The following AHRR variants were observed in gnomAD, a reference collection of about 807,000 sequenced individuals.
The protein encoded by AHRR is aryl hydrocarbon receptor repressor.
Under a neutral mutation model 44.0 loss-of-function variants are expected in AHRR, and 28 were observed. That is an observed-to-expected ratio of 0.64 (90% CI 0.47 to 0.87). The LOEUF (loss-of-function observed/expected upper bound fraction) is 0.87. Ranked by LOEUF, AHRR falls within the 40% of genes least tolerant of loss-of-function variation. The pLI is 0.00. For missense variants in AHRR, 990 were observed against 953.9 expected (o/e 1.04, Z -0.50); for synonymous variants, 434 against 407.0 (o/e 1.07, Z -0.80).
chr5:433,446 C>A (rs990524001), intron 10 of AHRR, among the ~76,000 whole-genome samples: 1 of 152,234 alleles, frequency 6.6e-6, no homozygotes, highest in Non-Finnish European at 1.5e-5. Context: ...TCCTGTTGGT[C>A]AGCAGCAGAG....
In AHRR at chr5:351,572, A is replaced by G. The variant is rs1379380926; in HGVS notation, c.63-2158A>G. 2.6e-5 allele frequency among the ~76,000 whole-genome samples: 4 copies of G among 152,134 alleles called. No individual in the cohort carries two copies. The East Asian group carries it at 7.7e-4, about 29-fold the overall frequency. ...GAGGGTCCATGCTGAGAGCTGACTGAGGGCTGCCAGGGCTAACAGAAGGGG... is the reference window on the plus strand; with the variant it reads ...GAGGGTCCATGCTGAGAGCTGACTGGGGGCTGCCAGGGCTAACAGAAGGGG... On this transcript the variant is annotated intron_variant, in intron 2 of 10. Coordinates refer to ENST00000684583, the MANE Select transcript of AHRR (RefSeq NM_001377236.1).
At chr5:362,940 G>A (rs1450404485) in intron 3 of AHRR, among the ~76,000 whole-genome samples, 1 of 152,224 alleles carries the variant, frequency 6.6e-6, no homozygotes, top group Non-Finnish European at 1.5e-5. Flanking sequence ...CTCCTTCTGT[G>A]CCTGGAAGAA....
intron 4 of AHRR, among the ~76,000 whole-genome samples, chr5:393,132 A>G (rs2126477727): frequency 6.6e-6 from 1 of 152,038 alleles, no homozygotes; most frequent in Admixed American, 6.5e-5. Flanking sequence ...TTTTGTTCTC[A>G]TGGGGATGCC....
chr5:402,823 G>A (rs1241524850), intron 4 of AHRR, among the ~76,000 whole-genome samples: 2 of 152,188 alleles, frequency 1.3e-5, no homozygotes, highest in Non-Finnish European at 2.9e-5. Context: ...CACAGATAAA[G>A]AAAATGCTCT....
At position 369,790 on chromosome 5, in the gene AHRR, A is replaced by T. The variant is rs150511347; in HGVS notation, c.245-6820A>T. ...TTGCAAATACCATTTGTGGCCATCAAGAATCACTAAATGACATTTTCTTCC... is the reference window on the plus strand; with the variant it reads ...TTGCAAATACCATTTGTGGCCATCATGAATCACTAAATGACATTTTCTTCC... On this transcript the variant is annotated intron_variant, in intron 3 of 10. Coordinates refer to ENST00000684583, the MANE Select transcript of AHRR (RefSeq NM_001377236.1). 8.0e-4 allele frequency among the ~76,000 whole-genome samples: 122 copies of T among 152,384 alleles called. 1 individual carries two copies. The East Asian group carries it at 0.021, about 26-fold the overall frequency.
intron 3 of AHRR, among the ~76,000 whole-genome samples, chr5:368,559 C>T (rs968979730): frequency 5.3e-5 from 8 of 152,366 alleles, no homozygotes; most frequent in African/African-American, 1.9e-4. Context: ...AGATGTTTCA[C>T]ATCATGAAGA....
In AHRR at chr5:346,455, C is replaced by T. The variant is rs550985700; in HGVS notation, c.62+2491C>T. 6.6e-5 allele frequency among the ~76,000 whole-genome samples: 10 copies of T among 152,326 alleles called. No homozygotes were observed. The South Asian group carries it at 2.1e-3, about 32-fold the overall frequency. On this transcript the variant is annotated intron_variant, in intron 2 of 10. Transcript: ENST00000684583. ...AGGAAATTTCGTTCTGATTCTTCCC[C>T]AGACGGCCCCACCACAGGGACTGCA...
chr5:404,189 C>A lies in AHRR; in HGVS notation c.352-9155C>A. The A allele has an allele frequency of 1.9e-6, 1 of 534,354 alleles. No homozygotes were observed. Among genetic ancestry groups the A allele is most frequent in the Non-Finnish European group, 3.6e-6 (1 of 276,172 alleles). 33.1% of individuals were successfully genotyped at this position (534,354 alleles called of 1,614,324 possible). ...TGCATTCCTGTCACGAGCTGGTCTTCTGCAGCCTTTGAACCCGTCGCAGCT... is the reference window on the plus strand; with the variant it reads ...TGCATTCCTGTCACGAGCTGGTCTTATGCAGCCTTTGAACCCGTCGCAGCT... On this transcript the variant is annotated intron_variant, in intron 4 of 10. Coordinates refer to ENST00000684583, the MANE Select transcript of AHRR (RefSeq NM_001377236.1). This position sits in a 1 kb window ranked among gnomAD's most constrained non-coding sequence, Gnocchi z 4.1.
At chr5:344,978 GGT>G (rs1201219676) in intron 2 of AHRR, among the ~76,000 whole-genome samples, 13 of 121,946 alleles carry the variant, frequency 1.1e-4, no homozygotes, top group Non-Finnish European at 1.9e-4. Flanking sequence ...GGCTGTGTGG[GGT>G]GTGTGTGAGG....
chr5:432,368 C>T, intron 8 of AHRR, 95 bp from the exon 9 acceptor site: 8 of 1,225,838 alleles, frequency 6.5e-6, no homozygotes, highest in Non-Finnish European at 8.4e-6. Flanking sequence ...ACAGCAATAC[C>T]TGTCATTATT....
intron 3 of AHRR, among the ~76,000 whole-genome samples, chr5:372,763 A>G (rs544664442): frequency 6.6e-6 from 1 of 152,252 alleles, no homozygotes; most frequent in South Asian, 2.1e-4. Context: ...GGCATCACCC[A>G]GACGCACAGC....
chr5:325,890 C>G (rs957040021), intron 1 of AHRR, among the ~76,000 whole-genome samples: 2 of 152,150 alleles, frequency 1.3e-5, no homozygotes, highest in African/African-American at 4.8e-5. Flanking sequence ...TCAAGCGATT[C>G]TCCTGCCTTA....
rs1434794324 is a variant in AHRR, at chr5:326,576, T to C, written c.-11+4757T>C. On this transcript the variant is annotated intron_variant, in intron 1 of 10. Coordinates refer to ENST00000684583, the MANE Select transcript of AHRR (RefSeq NM_001377236.1). This position sits in a 1 kb window ranked among gnomAD's most constrained non-coding sequence, Gnocchi z 4.1. ...TGCAGGTTTCTGTTAGAACAAATGC[T>C]TTTACTTCTGTTAGGTGTGTACCTA... 6.6e-6 allele frequency among the ~76,000 whole-genome samples: 1 copy of C among 152,212 alleles called. No homozygotes were observed. The highest frequency in any genetic ancestry group is 2.4e-5 in the African/African-American group (1 of 41,468).
chr5:429,822 C>T (rs1359489749), intron 8 of AHRR, among the ~76,000 whole-genome samples: 1 of 152,262 alleles, frequency 6.6e-6, no homozygotes, highest in Non-Finnish European at 1.5e-5. Context: ...ACACGGAAAA[C>T]ATTGCTGGGT....
At chr5:376,252 A>T (rs1223956115) in intron 3 of AHRR, among the ~76,000 whole-genome samples, 1 of 150,858 alleles carries the variant, frequency 6.6e-6, no homozygotes, top group Admixed American at 6.6e-5. Context: ...AGGAAGCCAG[A>T]CTTTGTCCCA....
At chr5:336,719 A>G (rs1242368440) in intron 1 of AHRR, among the ~76,000 whole-genome samples, 1 of 152,194 alleles carries the variant, frequency 6.6e-6, no homozygotes, top group African/African-American at 2.4e-5. Context: ...CCATTGCCAC[A>G]TTTAAGGTCA....
chr5:368,760 C>T (rs961591886), intron 3 of AHRR, among the ~76,000 whole-genome samples: 3 of 152,220 alleles, frequency 2.0e-5, no homozygotes, highest in African/African-American at 7.2e-5. Flanking sequence ...TGGTTAGAGG[C>T]GCATTCTCTT....
chr5:426,505 T>C (rs545563308), intron 7 of AHRR, among the ~76,000 whole-genome samples: 1 of 149,644 alleles, frequency 6.7e-6, no homozygotes, highest in Admixed American at 6.6e-5. Flanking sequence ...GATGGATGGA[T>C]GAGTGAATGG....
chr5:323,665 G>A (rs1741585347), intron 1 of AHRR, among the ~76,000 whole-genome samples: 1 of 152,188 alleles, frequency 6.6e-6, no homozygotes, highest in South Asian at 2.1e-4. Flanking sequence ...GTTCACCCGT[G>A]CTGGGTGCTG....
Sources: gnomAD v4.1 joint callset for allele counts (sites outside exome capture counted in the v4.1 genomes callset) on GRCh38, gnomAD v4.1.1 for gene constraint, Gnocchi (gnomAD v3.1) non-coding constraint, MANE v1.5 for transcripts, NCBI Gene and HGNC (gene_info 2026-07-23, HGNC 2026-07-21) for gene names.